Variants in RFFL observed in about 807,000 individuals in gnomAD.
The protein encoded by RFFL is ring finger and FYVE like domain containing E3 ubiquitin protein ligase, also known as E3 ubiquitin-protein ligase rififylin.
In RFFL, 16 loss-of-function variants were observed where a neutral mutation model predicts 40.4. That is an observed-to-expected ratio of 0.40 (90% CI 0.27 to 0.60). The LOEUF (loss-of-function observed/expected upper bound fraction) is 0.60, where lower values mean the gene tolerates loss of function less well. RFFL is among the 20% of genes least tolerant of loss of function. RFFL has a pLI of 0.47. For synonymous variants in RFFL, 154 were observed against 167.9 expected (o/e 0.92, Z 0.64); for missense variants, 367 against 451.7 (o/e 0.81, Z 1.70).
At position 35,017,600 on chromosome 17, in the gene RFFL, C is replaced by T; in HGVS notation, c.598G>A (p.Gly200Ser). The change falls in exon 4 of 7, where the codon GGC becomes AGC. Residue 200 changes from glycine to serine, a missense_variant. By Grantham distance (56) the Gly-to-Ser change is moderately conservative (BLOSUM62 0). Coordinates refer to ENST00000394597, the MANE Select transcript of RFFL (RefSeq NM_001017368.2). ...TCCTCTTGATCCTGAGACACATGGC[C>T]ATTGGCCTGTGGGAAGAGAAAAGTA... ...AQVQENQQAN[G>S]HVSQDQEEPV... The T allele has an allele frequency of 6.2e-7, 1 of 1,608,470 alleles. No homozygotes were observed. Among genetic ancestry groups the T allele is most frequent in the Non-Finnish European group, 8.5e-7 (1 of 1,176,766 alleles).
At chr17:35,019,795 A>C (rs1045146039) in intron 3 of RFFL, among the ~76,000 whole-genome samples, 4 of 152,224 alleles carry the variant, frequency 2.6e-5, no homozygotes, top group Admixed American at 1.3e-4. Context: ...TCTGTCTAGC[A>C]GACCAAGAGT....
intron 1 of RFFL, among the ~76,000 whole-genome samples, chr17:35,032,780 A>G (rs1299865469): frequency 6.6e-6 from 1 of 152,040 alleles, no homozygotes; most frequent in Non-Finnish European, 1.5e-5. Context: ...AGCAGGGGAA[A>G]GCCCACAGCA....
intron 1 of RFFL, among the ~76,000 whole-genome samples, chr17:35,070,823 A>G (rs117860797): frequency 5.3e-3 from 804 of 152,322 alleles, no homozygotes; most frequent in Admixed American, 8.5e-3. Flanking sequence ...AAAATCTTCT[A>G]TCTTTGTCAG....
intron 1 of RFFL, among the ~76,000 whole-genome samples, chr17:35,076,535 G>A (rs192984237): frequency 1.2e-4 from 18 of 151,758 alleles, no homozygotes; most frequent in Non-Finnish European, 1.8e-4. Flanking sequence ...AAAATTAGCC[G>A]GGTGTGGTGA....
Position 35,014,697 on chromosome 17 carries a change from C to T in RFFL, c.910+43G>A, listed in dbSNP as rs769590355. On this transcript the variant is annotated intron_variant, in intron 6 of 6. Coordinates refer to ENST00000394597, the MANE Select transcript of RFFL (RefSeq NM_001017368.2). ...GATTGGGGTTGAAGGAGGGGAAGGACAAAAGGGCCTAAGCCCATTCCCAAA... is the reference window on the plus strand; with the variant it reads ...GATTGGGGTTGAAGGAGGGGAAGGATAAAAGGGCCTAAGCCCATTCCCAAA... 7 of 1,590,284 alleles carry T rather than the reference C, an allele frequency of 4.4e-6. No homozygotes were observed. The Admixed American group carries it at 1.2e-4, about 27-fold the overall frequency.
At chr17:35,071,768 G>A (rs188650895) in intron 1 of RFFL, among the ~76,000 whole-genome samples, 1 of 152,184 alleles carries the variant, frequency 6.6e-6, no homozygotes, top group Non-Finnish European at 1.5e-5. Context: ...GTTCATTATG[G>A]CTTCATCTGT....
At position 35,008,190 on chromosome 17, in the gene RFFL, T is replaced by TG. The variant is rs2090908947; in HGVS notation, c.*3777dup. 6.6e-6 allele frequency: 1 copy of TG among 152,254 alleles called. No individual in the cohort carries two copies. Among genetic ancestry groups the TG allele is most frequent in the Non-Finnish European group, 1.5e-5 (1 of 68,062 alleles). The allele number at this position is 152,254 out of a possible 1,614,324, so 9.4% of individuals were successfully genotyped here. On this transcript the variant is annotated 3_prime_UTR_variant, in exon 7 of 7. Coordinates refer to ENST00000394597, the MANE Select transcript of RFFL (RefSeq NM_001017368.2). ...TTAAGGCCCATCTCTTCTAGATCAG[T>TG]GTAAATATCTGAACTCACTTGGTGC...
Position 35,010,351 on chromosome 17 carries a change from G to A in RFFL, c.*1617C>T, listed in dbSNP as rs753706643. ...GATCATGTGTTTTGTGCTTGGCCAC[G>A]CTTCTGCAGCAAACTCTTAAGTCCT... On this transcript the variant is annotated 3_prime_UTR_variant, in exon 7 of 7. Coordinates refer to ENST00000394597, the MANE Select transcript of RFFL (RefSeq NM_001017368.2). The A allele has an allele frequency of 7.9e-5, 12 of 152,222 alleles. No homozygotes were observed. Among genetic ancestry groups the A allele is most frequent in the Admixed American group, 1.3e-4 (2 of 15,272 alleles). The allele number at this position is 152,222 out of a possible 1,614,324, so 9.4% of individuals were successfully genotyped here.
chr17:35,059,832 T>C (rs1204959319), intron 1 of RFFL, among the ~76,000 whole-genome samples: 4 of 152,212 alleles, frequency 2.6e-5, no homozygotes. Context: ...TCCCCCCTTT[T>C]TAAAACTTAT....
At chr17:35,041,602 G>A (rs759327801) in intron 1 of RFFL, among the ~76,000 whole-genome samples, 25 of 144,866 alleles carry the variant, frequency 1.7e-4, no homozygotes, top group South Asian at 4.3e-4. Flanking sequence ...GTGACCTTTC[G>A]GTTCTTCACA....
At chr17:35,051,700 G>T (rs1202802586) in intron 1 of RFFL, among the ~76,000 whole-genome samples, 2 of 152,166 alleles carry the variant, frequency 1.3e-5, no homozygotes, top group Non-Finnish European at 2.9e-5. Flanking sequence ...AAAAGAGCAA[G>T]AAAAATTGAA....
intron 3 of RFFL, 126 bp from the exon 4 acceptor site, chr17:35,017,732 TAC>T: frequency 1.5e-6 from 1 of 663,574 alleles, no homozygotes; most frequent in South Asian, 1.6e-5. Context: ...CGGAGCCTCT[TAC>T]AGCATCATTA....
At chr17:35,074,298 A>G (rs1458726203) in intron 1 of RFFL, 1 of 152,232 alleles carries the variant, frequency 6.6e-6, no homozygotes, top group Non-Finnish European at 1.5e-5. Flanking sequence ...ATTTGCGGTA[A>G]GAAGCCTGTC....
intron 1 of RFFL, among the ~76,000 whole-genome samples, chr17:35,086,974 T>C (rs893844451): frequency 6.6e-6 from 1 of 152,190 alleles, no homozygotes; most frequent in Non-Finnish European, 1.5e-5. Context: ...CACATGTAAT[T>C]AGAAAAGAAA....
chr17:35,046,803 TG>T (rs992755352), intron 1 of RFFL, among the ~76,000 whole-genome samples: 1 of 152,212 alleles, frequency 6.6e-6, no homozygotes, highest in Non-Finnish European at 1.5e-5. Context: ...ATATCACCCC[TG>T]GGGTCTGACC....
chr17:35,039,975 G>A (rs1022750189), intron 1 of RFFL, among the ~76,000 whole-genome samples: 56 of 151,960 alleles, frequency 3.7e-4, no homozygotes, highest in South Asian at 2.1e-4. Context: ...GCATCTGGCC[G>A]ACTCCACTTT....
At position 35,027,485 on chromosome 17, in the gene RFFL, G is replaced by T. The variant is rs539839569; in HGVS notation, c.-8-924C>A. ...CACGCCTGTAATCCCAGCACTTTGG[G>T]AGACTGAGGCGAGTGGATCACCGGA... On this transcript the variant is annotated intron_variant, in intron 1 of 6. Coordinates refer to ENST00000394597, the MANE Select transcript of RFFL (RefSeq NM_001017368.2). 2.0e-5 allele frequency among the ~76,000 whole-genome samples: 3 copies of T among 152,276 alleles called. No homozygotes were observed. The South Asian group carries it at 6.2e-4, about 32-fold the overall frequency.
At chr17:35,059,014 AG>A (rs1447381339) in intron 1 of RFFL, among the ~76,000 whole-genome samples, 1 of 148,086 alleles carries the variant, frequency 6.8e-6, no homozygotes, top group African/African-American at 2.5e-5. Context: ...AGCTCGAGCT[AG>A]AATTTTTTTT....
intron 1 of RFFL, among the ~76,000 whole-genome samples, chr17:35,077,275 T>C (rs1156678107): frequency 6.6e-6 from 1 of 151,918 alleles, no homozygotes; most frequent in Admixed American, 6.6e-5. Flanking sequence ...AGGAAGAAAA[T>C]GATCAAGGAC....
Sources: allele counts gnomAD v4.1 joint callset (sites outside exome capture counted in the v4.1 genomes callset), GRCh38; gene constraint gnomAD v4.1.1; transcripts MANE v1.5; gene names NCBI Gene and HGNC (gene_info 2026-07-23, HGNC 2026-07-21).